Variants in LCNL1 observed in about 807,000 individuals in gnomAD.
The protein encoded by LCNL1 is lipocalin-like 1 protein.
LCNL1 carries 11 observed loss-of-function variants against 7.9 expected under a neutral mutation model. The ratio of observed to expected loss-of-function variants is 1.40; its 90% CI spans 0.88 to 2.32. The LOEUF is 2.32. LCNL1 is among the 30% of genes most tolerant of loss of function. The probability of loss-of-function intolerance (pLI) is 0.00; values close to 1 mark genes in which losing one functional copy is unlikely to be tolerated. For missense variants in LCNL1, 218 were observed against 217.0 expected, an observed-to-expected ratio of 1.00 and a Z score of -0.03; for synonymous variants, 90 against 92.5, an observed-to-expected ratio of 0.97 and a Z score of 0.15.
chr9:136,984,585 G>A (rs754538098), intron 2 of LCNL1, 22 bp downstream of exon 2: 3 of 1,546,600 alleles, frequency 1.9e-6, no homozygotes, highest in Admixed American at 4.0e-5. Context: ...CAGCAGGCAG[G>A]GCTGTGGCGT....
At chr9:136,984,420 C>CA in intron 1 of LCNL1, 70 bp from the exon 2 acceptor site, 1 of 1,383,002 alleles carries the variant, frequency 7.2e-7, no homozygotes, top group Non-Finnish European at 9.7e-7. Context: ...TCAGAGACAG[C>CA]AAGGTAGGCT....
At position 136,984,530 on chromosome 9, in the gene LCNL1, G is replaced by T; in HGVS notation, c.163G>T (p.Glu55Ter). The T allele has an allele frequency of 6.4e-7, 1 of 1,574,086 alleles. No individual in the cohort carries two copies. The highest frequency in any genetic ancestry group is 8.6e-7 in the Non-Finnish European group (1 of 1,160,002). ...CCAGAAAATGGACACGACCTTCACC[G>T]AGGGTGCTGTACCGGGGCAGTTCAG... ...GCQKMDTTFT[E>*]GAVPGQFSNP... is the part of the protein sequence containing the mutation. Residue 55 changes from glutamate (E) to a stop codon, truncating the protein, a stop_gained, in exon 2 of 3, where the codon GAG becomes TAG. Transcript: ENST00000408973. LOFTEE classifies it low-confidence loss of function (END_TRUNC).
rs756125625 is a variant in LCNL1, at chr9:136,984,770, T to G, written c.254T>G (p.Leu85Arg). The stretch of plus-strand genomic sequence containing the variant: ...TCCGACTACCAGCACTTTGCCTTGC[T>G]GTACTTGGAGATGCGGAAAGGGGGC... ...AFSDYQHFALLYLEMRKGGLR... is the reference protein window; with the variant it reads ...AFSDYQHFALRYLEMRKGGLR... The change falls in exon 3 of 3, where the codon CTG becomes CGG. Residue 85 changes from leucine (L) to arginine (R), a missense_variant. Coordinates refer to ENST00000408973, the MANE Select transcript of LCNL1 (RefSeq NM_207510.4). 4 of 1,564,216 alleles carry G rather than the reference T, an allele frequency of 2.6e-6. No homozygotes were observed. Among genetic ancestry groups the G allele is most frequent in the Non-Finnish European group, 3.5e-6 (4 of 1,150,724 alleles).
chr9:136,983,307 C>G lies in LCNL1; in HGVS notation c.-280C>G, dbSNP rs1322796434. 1 of 402,890 alleles carries G rather than the reference C, an allele frequency of 2.5e-6. No homozygotes were observed. The highest frequency in any genetic ancestry group is 4.7e-6 in the Non-Finnish European group (1 of 212,518). The allele number at this position is 402,890 out of a possible 1,614,324, so 25.0% of individuals were successfully genotyped here. On this transcript the variant is annotated 5_prime_UTR_variant, in exon 1 of 3. Coordinates refer to ENST00000408973, the MANE Select transcript of LCNL1 (RefSeq NM_207510.4). Reference sequence around the variant, plus strand: ...TGTGCCTCACTGTCCCCCACCCACCCCACAAAGACCTGTGACCTTGCCACA... The same window carrying G: ...TGTGCCTCACTGTCCCCCACCCACCGCACAAAGACCTGTGACCTTGCCACA...
chr9:136,983,194 G>GAT lies in LCNL1; in HGVS notation c.-393_-392insAT. 1 of 214,272 alleles carries GAT rather than the reference G, an allele frequency of 4.7e-6. No individual in the cohort carries two copies. The highest frequency in any genetic ancestry group is 5.0e-5 in the Admixed American group (1 of 19,998). 13.3% of individuals were successfully genotyped at this position (214,272 alleles called of 1,614,324 possible). A position where few individuals can be genotyped will look rare whatever the true frequency, so the allele number is the denominator to read the frequency against. ...CTCCGTCTGACTGGAGTAGGGGTTG[G>GAT]CTGGGGAAGACTGCAGCCTCCATCC... is the stretch of plus-strand genomic sequence containing the variant. On this transcript the variant is annotated 5_prime_UTR_variant, in exon 1 of 3. Transcript: ENST00000408973.
At chr9:136,984,604 T>C in intron 2 of LCNL1, 41 bp downstream of exon 2, 2 of 1,528,398 alleles carry the variant, frequency 1.3e-6, no homozygotes, top group East Asian at 2.4e-5. Flanking sequence ...GTGGGGGCCC[T>C]GGAGGCTGCA....
chr9:136,984,304 G>T, intron 1 of LCNL1, 186 bp from the exon 2 acceptor site: 1 of 545,430 alleles, frequency 1.8e-6, no homozygotes, highest in East Asian at 3.2e-5. Flanking sequence ...CTGTGAACAG[G>T]TACTTAATAC....
At chr9:136,984,214 T>TAAAAA in intron 1 of LCNL1, 1 of 493,964 alleles carries the variant, frequency 2.0e-6, no homozygotes, top group South Asian at 3.4e-5. Flanking sequence ...TCCGTGTGTG[T>TAAAAA]GCATGTGTGT....
At position 136,985,234 on chromosome 9, in the gene LCNL1, G is replaced by A. The variant is rs998348109; in HGVS notation, c.*223G>A. ...TGGTCACTCCACTGATCTCAGATTC[G>A]GGACAGAAGTGCCCGGGGCAGACCC... On this transcript the variant is annotated 3_prime_UTR_variant, in exon 3 of 3. Transcript: ENST00000408973. 1 of 512,836 alleles carries A rather than the reference G, an allele frequency of 1.9e-6. No homozygotes were observed. Among genetic ancestry groups the A allele is most frequent in the Non-Finnish European group, 3.4e-6 (1 of 293,268 alleles). 31.8% of individuals were successfully genotyped at this position (512,836 alleles called of 1,614,324 possible). A position where few individuals can be genotyped will look rare whatever the true frequency, so the allele number is the denominator to read the frequency against.
intron 1 of LCNL1, chr9:136,984,201 ATCTC>A (rs1220174769): frequency 1.5e-5 from 7 of 467,864 alleles, no homozygotes; most frequent in South Asian, 7.8e-5. Context: ...GTCTGTGTCT[ATCTC>A]CGTGTGTGTG....
chr9:136,984,399 G>A, intron 1 of LCNL1, 91 bp from the exon 2 acceptor site: 1 of 1,209,622 alleles, frequency 8.3e-7, no homozygotes, highest in Non-Finnish European at 1.1e-6. Flanking sequence ...GGTGAACAGG[G>A]GACCCTGGGC....
Position 136,984,578 on chromosome 9 carries a change from C to A in LCNL1, c.196+15C>A. 2 of 1,554,066 alleles carry A rather than the reference C, an allele frequency of 1.3e-6. No individual in the cohort carries two copies. The highest frequency in any genetic ancestry group is 1.7e-6 in the Non-Finnish European group (2 of 1,148,402). ...CAGCAACCCAGGTGAGGTGGGGCAG[C>A]AGGCAGGGCTGTGGCGTGGGGGCCC... On this transcript the variant is annotated intron_variant, in intron 2 of 2. Transcript: ENST00000408973.
intron 1 of LCNL1, 44 bp downstream of exon 1, chr9:136,983,752 G>A (rs773255590): frequency 6.2e-7 from 1 of 1,603,168 alleles, no homozygotes; most frequent in East Asian, 2.2e-5. Context: ...TCAGAGGATG[G>A]CCAGCATGAG....
Position 136,984,922 on chromosome 9 carries a change from AC to A in LCNL1, c.408del (p.Ala137LeufsTer72), listed in dbSNP as rs1830482577. On this transcript the variant is annotated frameshift_variant, in exon 3 of 3. Coordinates refer to ENST00000408973, the MANE Select transcript of LCNL1 (RefSeq NM_207510.4). LOFTEE classifies it low-confidence loss of function (END_TRUNC). ...HQPFLHAEGG[T>X]AGSWCLWPRV... ...GCCCTTTCTGCACGCGGAAGGTGGA[AC>A]CGCTGGCTCCTGGTGTCTGTGGCCG... 1.3e-6 allele frequency: 2 copies of A among 1,553,224 alleles called. No individual in the cohort carries two copies. The highest frequency in any genetic ancestry group is 2.4e-5 in the South Asian group (2 of 84,380).
chr9:136,984,690 G>A (rs374021842), intron 2 of LCNL1, 23 bp from the exon 3 acceptor site: 6 of 1,517,388 alleles, frequency 4.0e-6, no homozygotes, highest in Admixed American at 2.1e-5. Flanking sequence ...TGGGCCTGGG[G>A]TCAGCGGCTC....
Position 136,985,135 on chromosome 9 carries a change from C to T in LCNL1, c.*124C>T, listed in dbSNP as rs1049363670. 30 of 1,014,710 alleles carry T rather than the reference C, an allele frequency of 3.0e-5. 1 individual carries two copies. The highest frequency in any genetic ancestry group is 1.9e-4 in the South Asian group (11 of 58,094). 62.9% of individuals were successfully genotyped at this position (1,014,710 alleles called of 1,614,324 possible). A position where few individuals can be genotyped will look rare whatever the true frequency, so the allele number is the denominator to read the frequency against. Reference sequence around the variant, plus strand: ...AGCCAGGGCGTCCTGCTGCCGAAGTCGGGTGAGCGGTGCCGGCAGCCCTGC... The same window carrying T: ...AGCCAGGGCGTCCTGCTGCCGAAGTTGGGTGAGCGGTGCCGGCAGCCCTGC... On this transcript the variant is annotated 3_prime_UTR_variant, in exon 3 of 3. Coordinates refer to ENST00000408973, the MANE Select transcript of LCNL1 (RefSeq NM_207510.4).
Position 136,984,503 on chromosome 9 carries a change from T to C in LCNL1, c.136T>C (p.Cys46Arg). The C allele has an allele frequency of 6.4e-7, 1 of 1,555,958 alleles. No individual in the cohort carries two copies. Among genetic ancestry groups the C allele is most frequent in the Non-Finnish European group, 8.7e-7 (1 of 1,150,016 alleles). The change falls in exon 2 of 3, where the codon TGC becomes CGC. Residue 46 changes from cysteine (C) to arginine (R), a missense_variant. By Grantham distance (180) the Cys-to-Arg change is radical (BLOSUM62 -3). Transcript: ENST00000408973. ...CTTTCTCCCCAGGCCCCATGGCGGGTGCCAGAAAATGGACACGACCTTCAC... is the reference window on the plus strand; with the variant it reads ...CTTTCTCCCCAGGCCCCATGGCGGGCGCCAGAAAATGGACACGACCTTCAC... ...KFGYPTPHGG[C>R]QKMDTTFTEG...
At position 136,983,233 on chromosome 9, in the gene LCNL1, G is replaced by T. The variant is rs771591590; in HGVS notation, c.-354G>T. ...CAGCCTCCATCCTACCTTTTCAGTTGCATCCCCCAACAATCCCCAGGGCCC... is the reference window on the plus strand; with the variant it reads ...CAGCCTCCATCCTACCTTTTCAGTTTCATCCCCCAACAATCCCCAGGGCCC... On this transcript the variant is annotated 5_prime_UTR_variant, in exon 1 of 3. Coordinates refer to ENST00000408973, the MANE Select transcript of LCNL1 (RefSeq NM_207510.4). The T allele has an allele frequency of 4.1e-6, 1 of 246,070 alleles. No homozygotes were observed. The highest frequency in any genetic ancestry group is 8.3e-6 in the Non-Finnish European group (1 of 120,220). The allele number at this position is 246,070 out of a possible 1,614,324, so 15.2% of individuals were successfully genotyped here.
Position 136,985,634 on chromosome 9 carries a change from T to G in LCNL1, c.*623T>G, listed in dbSNP as rs1830492881. 1 of 152,220 alleles carries G rather than the reference T, an allele frequency of 6.6e-6. No individual in the cohort carries two copies. Among genetic ancestry groups the G allele is most frequent in the South Asian group, 2.1e-4 (1 of 4,832 alleles). 9.4% of individuals were successfully genotyped at this position (152,220 alleles called of 1,614,324 possible). A position where few individuals can be genotyped will look rare whatever the true frequency, so the allele number is the denominator to read the frequency against. On this transcript the variant is annotated 3_prime_UTR_variant, in exon 3 of 3. Coordinates refer to ENST00000408973, the MANE Select transcript of LCNL1 (RefSeq NM_207510.4). ...GGGGACGCCGCCCACCTGCTCCTTG[T>G]TTTGCAGTGAGGGGTCCAGCCCCTG...
Sources: allele counts gnomAD v4.1 joint callset, GRCh38; gene constraint gnomAD v4.1.1; transcripts MANE v1.5; gene names NCBI Gene and HGNC (gene_info 2026-07-23, HGNC 2026-07-21).